CEP120: variants seen among roughly 807,000 people sequenced by gnomAD.
The protein encoded by CEP120 is centrosomal protein 120.
Under a neutral mutation model 126.5 loss-of-function variants are expected in CEP120, and 113 were observed. The ratio of observed to expected loss-of-function variants is 0.89; its 90% CI spans 0.77 to 1.04. The LOEUF (loss-of-function observed/expected upper bound fraction) is 1.04, where lower values mean the gene tolerates loss of function less well. CEP120 is among the 50% of genes least tolerant of loss of function. The pLI, the probability that CEP120 is intolerant of heterozygous loss-of-function variation, is 0.00. For missense variants in CEP120, 1,230 were observed against 1,155.7 expected (o/e 1.06, Z -0.93); for synonymous variants, 400 against 394.3 (o/e 1.01, Z -0.17).
chr5:123,350,280 C>T (rs776087538), intron 18 of CEP120, among the ~76,000 whole-genome samples, 191 bp from the exon 19 acceptor site: 9 of 151,944 alleles, frequency 5.9e-5, no homozygotes, highest in Non-Finnish European at 1.3e-4. Context: ...ACAGGAGCAA[C>T]GAAGCACACT....
chr5:123,383,090 T>C lies in CEP120; in HGVS notation c.1764-8A>G, dbSNP rs1273791567. Reference sequence around the variant, plus strand: ...GCTATCCTGTTATTTGATCTACAAATAAAATAAGAAATACCTTAAAATTCA... The same window carrying C: ...GCTATCCTGTTATTTGATCTACAAACAAAATAAGAAATACCTTAAAATTCA... On this transcript the variant is annotated splice_region_variant and splice_polypyrimidine_tract_variant and intron_variant, in intron 11 of 19. Transcript: ENST00000306467. 1.4e-6 allele frequency: 2 copies of C among 1,382,372 alleles called. No homozygotes were observed. The highest frequency in any genetic ancestry group is 1.4e-5 in the African/African-American group (1 of 69,064). The allele number at this position is 1,382,372 out of a possible 1,614,324, so 85.6% of individuals were successfully genotyped here.
Position 123,382,647 on chromosome 5 carries a change from C to T in CEP120, c.2013+90G>A, listed in dbSNP as rs56006955. ...TCAAAGAAGTTAGATAAGGTACCTACAGAACATAGAGATTAAACCTTGCTA... is the reference window on the plus strand; with the variant it reads ...TCAAAGAAGTTAGATAAGGTACCTATAGAACATAGAGATTAAACCTTGCTA... On this transcript the variant is annotated intron_variant, in intron 13 of 19. Coordinates refer to ENST00000306467, the MANE Select transcript of CEP120 (RefSeq NM_001375405.1). 275,441 of 1,215,128 alleles carry T rather than the reference C, an allele frequency of 0.23. 33,667 individuals carry two copies. The highest frequency in any genetic ancestry group is 0.25 in the Middle Eastern group (1,018 of 4,110). 75.3% of individuals were successfully genotyped at this position (1,215,128 alleles called of 1,614,324 possible).
At position 123,376,903 on chromosome 5, in the gene CEP120, C is replaced by A. The variant is rs183933468; in HGVS notation, c.2358+471G>T. Among the ~76,000 whole-genome samples, 252 of 152,086 alleles carry A rather than the reference C, an allele frequency of 1.7e-3. 1 individual carries two copies. Among genetic ancestry groups the A allele is most frequent in the Non-Finnish European group, 1.4e-3 (97 of 67,966 alleles). On this transcript the variant is annotated intron_variant, in intron 16 of 19. Coordinates refer to ENST00000306467, the MANE Select transcript of CEP120 (RefSeq NM_001375405.1). ...AAAGGAAGACAAGCCTGCAAAAGAG[C>A]CTGAGGGTGGCCAGAAAGGTAGAGA...
intron 2 of CEP120, among the ~76,000 whole-genome samples, chr5:123,417,153 C>T (rs905391847): frequency 5.3e-5 from 8 of 152,080 alleles, no homozygotes; most frequent in Non-Finnish European, 1.0e-4. Flanking sequence ...AAAATGGAAG[C>T]CCTAACAGCT....
rs147918619 is a variant in CEP120, at chr5:123,422,361, C to T, written c.49+589G>A. The T allele has an allele frequency of 2.3e-5, 17 of 731,830 alleles. No individual in the cohort carries two copies. The African/African-American group carries it at 2.6e-4, about 11-fold the overall frequency. 45.3% of individuals were successfully genotyped at this position (731,830 alleles called of 1,614,324 possible). A position where few individuals can be genotyped will look rare whatever the true frequency, so the allele number is the denominator to read the frequency against. On this transcript the variant is annotated intron_variant, in intron 1 of 19. Transcript: ENST00000306467. The stretch of plus-strand genomic sequence containing the variant: ...ATTTGCTGACACACTCTCCTTGCTA[C>T]ATCCTTAGCTTTTTAGAATCAGGAC...
chr5:123,402,620 C>T (rs1434972131), intron 4 of CEP120, among the ~76,000 whole-genome samples: 4 of 152,168 alleles, frequency 2.6e-5, no homozygotes, highest in African/African-American at 9.7e-5. Context: ...ACCATGTTGG[C>T]CAGGCCAGTC....
chr5:123,391,405 T>C, intron 6 of CEP120, 68 bp from the exon 7 acceptor site: 1 of 1,224,088 alleles, frequency 8.2e-7, no homozygotes. Context: ...ATCATAAACT[T>C]AATAAGAAGT....
intron 4 of CEP120, among the ~76,000 whole-genome samples, chr5:123,399,544 A>G (rs1291553920): frequency 6.6e-6 from 1 of 152,214 alleles, no homozygotes; most frequent in Non-Finnish European, 1.5e-5. Flanking sequence ...AAAGGCATCT[A>G]ACATAGGTTT....
intron 4 of CEP120, among the ~76,000 whole-genome samples, chr5:123,412,105 G>A (rs1159857023): frequency 6.6e-6 from 1 of 152,168 alleles, no homozygotes; most frequent in Non-Finnish European, 1.5e-5. Flanking sequence ...TGATCATTTT[G>A]GGCTTTCCTG....
At chr5:123,394,504 T>C (rs1362085465) in intron 5 of CEP120, among the ~76,000 whole-genome samples, 1 of 152,170 alleles carries the variant, frequency 6.6e-6, no homozygotes, top group Non-Finnish European at 1.5e-5. Context: ...TAATGCTCAC[T>C]TGCCCGCTGC....
intron 14 of CEP120, among the ~76,000 whole-genome samples, chr5:123,381,387 G>C (rs1771637642): frequency 6.6e-6 from 1 of 151,944 alleles, no homozygotes; most frequent in Non-Finnish European, 1.5e-5. Flanking sequence ...AGGAGCACTG[G>C]AGCCCTGTAG....
Position 123,399,254 on chromosome 5 carries a change from C to T in CEP120, c.494G>A (p.Arg165Lys). ...TTCATTCAGCACAGCCACAATGTCC[C>T]TGGGGTCAAGTCCAGCCAGGATGGC... ...VPAILAGLDP[R>K]DIVAVLNEEG... The change falls in exon 5 of 20, where the codon AGG becomes AAG. Residue 165 changes from arginine (R) to lysine (K), a missense_variant. By Grantham distance (26) the Arg-to-Lys change is conservative (BLOSUM62 2). Transcript: ENST00000306467. 6.2e-7 allele frequency: 1 copy of T among 1,614,146 alleles called. No homozygotes were observed. Among genetic ancestry groups the T allele is most frequent in the Non-Finnish European group, 8.5e-7 (1 of 1,180,018 alleles).
intron 8 of CEP120, 43 bp downstream of exon 8, chr5:123,389,881 G>A (rs1243913967): frequency 4.0e-6 from 6 of 1,513,720 alleles, no homozygotes; most frequent in Middle Eastern, 2.0e-4. Flanking sequence ...GCTGCAAAAT[G>A]CAATACCTCA....
chr5:123,359,138 A>AAGAT (rs1180678975), intron 18 of CEP120, among the ~76,000 whole-genome samples: 1 of 152,080 alleles, frequency 6.6e-6, no homozygotes, highest in Admixed American at 6.6e-5. Flanking sequence ...GAGGCTGGAC[A>AAGAT]AGATAGTGCT....
chr5:123,415,691 T>C (rs896310034), intron 3 of CEP120, among the ~76,000 whole-genome samples: 2 of 152,006 alleles, frequency 1.3e-5, no homozygotes, highest in African/African-American at 4.8e-5. Context: ...CTGGCCAACA[T>C]AGCAAAACCC....
In CEP120 at chr5:123,390,140, A is replaced by T. The variant is rs1306542606; in HGVS notation, c.1039T>A (p.Ser347Thr). 6.3e-7 allele frequency: 1 copy of T among 1,585,590 alleles called. No homozygotes were observed. Among genetic ancestry groups the T allele is most frequent in the East Asian group, 2.2e-5 (1 of 44,740 alleles). ...TTCTGGGTCTTTAATTCAATTAAAG[A>T]CTAAAAACAATTTTTAAATAAAGTA... ...ALQREGIDSQ[S>T]LIELKTQNEH... is the part of the protein sequence containing the mutation. The change falls in exon 8 of 20, where the codon TCT (serine) becomes ACT (threonine). Residue 347 changes from serine (S) to threonine (T), a missense_variant and splice_region_variant. Physicochemically the swap from Ser to Thr is moderately conservative, Grantham distance 58 (BLOSUM62 1). Coordinates refer to ENST00000306467, the MANE Select transcript of CEP120 (RefSeq NM_001375405.1).
At chr5:123,352,033 T>C (rs185215838) in intron 18 of CEP120, among the ~76,000 whole-genome samples, 1 of 152,238 alleles carries the variant, frequency 6.6e-6, no homozygotes, top group East Asian at 1.9e-4. Context: ...TGTGATTTTA[T>C]TTTGCACTAT....
chr5:123,412,491 G>A lies in CEP120; in HGVS notation c.371C>T (p.Ser124Phe). ...LLSNKYTKFK[S>F]EIQISIALET... Reference sequence around the variant, plus strand: ...CAAAGCAATACTTATCTGTATCTCAGACTTGAATTTGGTGTATTTATTACT... The same window carrying A: ...CAAAGCAATACTTATCTGTATCTCAAACTTGAATTTGGTGTATTTATTACT... Residue 124 changes from serine to phenylalanine, a missense_variant, in exon 4 of 20, where the codon TCT becomes TTT. Physicochemically the swap from Ser to Phe is radical, Grantham distance 155 (BLOSUM62 -2). Transcript: ENST00000306467. 7.4e-6 allele frequency: 12 copies of A among 1,611,046 alleles called. No individual in the cohort carries two copies. The highest frequency in any genetic ancestry group is 1.0e-5 in the Non-Finnish European group (12 of 1,178,550).
rs898063824 is a variant in CEP120 at position 123,352,427 on chromosome 5, C to T, written c.2581-2338G>A. Among the ~76,000 whole-genome samples, 3 of 152,072 alleles carry T rather than the reference C, an allele frequency of 2.0e-5. No homozygotes were observed. The South Asian group carries it at 6.2e-4, about 31-fold the overall frequency. The stretch of plus-strand genomic sequence containing the variant: ...TTTCACTTTTTGCCCATGTAGAGCT[C>T]AAACTGACCTAGCAACATTTATTGA... On this transcript the variant is annotated intron_variant, in intron 18 of 19. Transcript: ENST00000306467.
Sources: gnomAD v4.1 joint callset for allele counts (sites outside exome capture counted in the v4.1 genomes callset) on GRCh38, gnomAD v4.1.1 for gene constraint, MANE v1.5 for transcripts, NCBI Gene and HGNC (gene_info 2026-07-23, HGNC 2026-07-21) for gene names.